The following VRTN variants were observed in gnomAD, a reference collection of about 807,000 sequenced individuals.
The protein encoded by VRTN is vertebrae development associated.
Under a neutral mutation model 18.2 loss-of-function variants are expected in VRTN, and 5 were observed. The observed-to-expected ratio is 0.27, with a 90% CI of 0.14 to 0.58. The LOEUF (loss-of-function observed/expected upper bound fraction) is 0.58. Ranked by LOEUF, VRTN falls within the 20% of genes least tolerant of loss-of-function variation. VRTN has a pLI of 0.91. For synonymous variants in VRTN, 381 were observed against 393.7 expected, an observed-to-expected ratio of 0.97 and a Z score of 0.38; for missense variants, 741 against 939.4, an observed-to-expected ratio of 0.79 and a Z score of 2.76.
chr14:74,330,977 A>C (rs1349352337), intron 1 of VRTN, among the ~76,000 whole-genome samples: 2 of 151,042 alleles, frequency 1.3e-5, no homozygotes, highest in African/African-American at 4.9e-5. Flanking sequence ...AGGTGGGTGG[A>C]TCACGAGGTC....
upstream of VRTN, among the ~76,000 whole-genome samples, chr14:74,345,745 G>A (rs1455908676): frequency 6.6e-6 from 1 of 150,856 alleles, no homozygotes; most frequent in Non-Finnish European, 1.5e-5. Flanking sequence ...CCAACATGGC[G>A]AAACCCTGTC....
Position 74,357,469 on chromosome 14 carries a change from G to T in VRTN, c.686G>T (p.Ser229Ile), listed in dbSNP as rs150867891. 6.2e-7 allele frequency: 1 copy of T among 1,612,130 alleles called. No individual in the cohort carries two copies. The change falls in exon 2 of 2, where the codon AGC (serine) becomes ATC (isoleucine). Residue 229 changes from serine (S) to isoleucine (I), a missense_variant. Transcript: ENST00000256362. This position sits in a 1 kb window ranked among gnomAD's most constrained non-coding sequence, Gnocchi z 7.8. The stretch of plus-strand genomic sequence containing the variant: ...ATGTGGGCTGGCCAGCCCCTCACCA[G>T]CCACTTCTTCCGCCACCAGTACTTT... ...HIMWAGQPLT[S>I]HFFRHQYFAP...
At chr14:74,351,270 T>C (rs1289151809) in intron 1 of VRTN, among the ~76,000 whole-genome samples, 1 of 152,194 alleles carries the variant, frequency 6.6e-6, no homozygotes, top group Non-Finnish European at 1.5e-5. Context: ...TACTAAGGAC[T>C]GATATGGATT....
chr14:74,345,314 G>A (rs2085636350), upstream of VRTN, among the ~76,000 whole-genome samples: 1 of 151,090 alleles, frequency 6.6e-6, no homozygotes, highest in African/African-American at 2.4e-5. Context: ...CAACGTGCTG[G>A]GATTACAGAC....
chr14:74,320,590 TTTTTTTTTTTTTTTG>T (rs1446707267), intron 1 of VRTN, among the ~76,000 whole-genome samples: 6 of 74,656 alleles, frequency 8.0e-5, no homozygotes, highest in African/African-American at 3.9e-4. Flanking sequence ...TTTTTTTTTT[TTTTTTTTTTTTTTTG>T]AGACGGAGTC....
Position 74,358,334 on chromosome 14 carries a change from G to A in VRTN, c.1551G>A (p.Arg517=). Residue 517 remains arginine, a synonymous_variant, in exon 2 of 2, where the codon AGG becomes AGA. Transcript: ENST00000256362. The surrounding 1 kb of genome is among the most constrained non-coding windows in gnomAD (Gnocchi z 5.4). ...WQRRLRRAAR[R]QVLSGHLPFC... is the part of the protein sequence containing the mutation. ...GGCGTCTGCGCAGGGCTGCCCGCAGGCAGGTGCTGAGTGGGCATCTCCCTT... is the reference window on the plus strand; with the variant it reads ...GGCGTCTGCGCAGGGCTGCCCGCAGACAGGTGCTGAGTGGGCATCTCCCTT... 6.2e-7 allele frequency: 1 copy of A among 1,613,284 alleles called. No individual in the cohort carries two copies. The highest frequency in any genetic ancestry group is 8.5e-7 in the Non-Finnish European group (1 of 1,179,800).
chr14:74,306,685 A>T (rs1048200926), intron 1 of VRTN, among the ~76,000 whole-genome samples: 1 of 145,366 alleles, frequency 6.9e-6, no homozygotes, highest in Non-Finnish European at 1.5e-5. Flanking sequence ...ATCACAGCTC[A>T]CTGCAGTCTC....
rs1246203251 is a variant in VRTN, at chr14:74,331,355, CTG to C, written c.-163-6366_-163-6365del. On this transcript the variant is annotated intron_variant, in intron 1 of 2. Transcript: ENST00000557177. ...CCAGCCCAGCCAACATGGTGAAACT[CTG>C]TCTCTACTAAAAACAGAAAAAATTA... Among the ~76,000 whole-genome samples the C allele has an allele frequency of 2.6e-5, 4 of 151,160 alleles. No homozygotes were observed. In the South Asian group the frequency reaches 8.4e-4, roughly 32 times the overall value.
Position 74,357,697 on chromosome 14 carries a change from A to G in VRTN, c.914A>G (p.Glu305Gly), listed in dbSNP as rs2140215356. The G allele has an allele frequency of 6.2e-7, 1 of 1,613,614 alleles. No individual in the cohort carries two copies. Among genetic ancestry groups the G allele is most frequent in the Non-Finnish European group, 8.5e-7 (1 of 1,179,998 alleles). ...TACCGCTGGCGGCGGCAGTCCCAGG[A>G]GCACCGGCAGAAGGTTGCTGCCCGC... Reference protein sequence around the residue: ...TFYRWRRQSQEHRQKVAARFS... With the variant: ...TFYRWRRQSQGHRQKVAARFS... The change falls in exon 2 of 2, where the codon GAG (glutamate) becomes GGG (glycine). Residue 305 changes from glutamate to glycine, a missense_variant. Physicochemically the swap from Glu to Gly is moderately conservative, Grantham distance 98. Coordinates refer to ENST00000256362, the MANE Select transcript of VRTN (RefSeq NM_018228.3). This position sits in a 1 kb window ranked among gnomAD's most constrained non-coding sequence, Gnocchi z 7.8.
At chr14:74,328,345 C>T (rs1406796271) in intron 1 of VRTN, among the ~76,000 whole-genome samples, 6 of 152,202 alleles carry the variant, frequency 3.9e-5, no homozygotes, top group Non-Finnish European at 8.8e-5. Context: ...GCTCAGAAGC[C>T]ATTTCAGCCA....
chr14:74,352,513 A>T (rs1183661669), intron 1 of VRTN, among the ~76,000 whole-genome samples: 1 of 152,102 alleles, frequency 6.6e-6, no homozygotes, highest in Non-Finnish European at 1.5e-5. Context: ...TTACTAAATT[A>T]CAATTTGCAT....
At chr14:74,315,770 A>G (rs969838860) in intron 1 of VRTN, among the ~76,000 whole-genome samples, 14 of 152,200 alleles carry the variant, frequency 9.2e-5, no homozygotes, top group East Asian at 1.9e-4. Context: ...ATCATGCTCA[A>G]TGACTATAGA....
At chr14:74,334,147 G>A (rs2085548405) in intron 1 of VRTN, among the ~76,000 whole-genome samples, 1 of 152,166 alleles carries the variant, frequency 6.6e-6, no homozygotes, top group Non-Finnish European at 1.5e-5. Context: ...GGCATTCTAT[G>A]CATACATCTG....
intron 1 of VRTN, among the ~76,000 whole-genome samples, chr14:74,325,991 C>CT (rs1390204889): frequency 6.6e-6 from 1 of 152,102 alleles, no homozygotes; most frequent in Non-Finnish European, 1.5e-5. Context: ...TACAAAAACT[C>CT]TGAGAAGTAG....
chr14:74,310,857 TA>T (rs1595161706), intron 1 of VRTN, among the ~76,000 whole-genome samples: 1 of 151,176 alleles, frequency 6.6e-6, no homozygotes, highest in South Asian at 2.1e-4. Flanking sequence ...AATTTTTCTT[TA>T]AAAAAAATTT....
At chr14:74,306,770 T>C (rs1939771773) in intron 1 of VRTN, among the ~76,000 whole-genome samples, 1 of 140,362 alleles carries the variant, frequency 7.1e-6, no homozygotes, top group South Asian at 2.2e-4. Context: ...AATTTTTAAG[T>C]TTTTTTTTTT....
intron 2 of VRTN, among the ~76,000 whole-genome samples, chr14:74,340,586 A>G (rs1168880580): frequency 1.3e-5 from 2 of 152,112 alleles, no homozygotes; most frequent in East Asian, 1.9e-4. Context: ...TCTAAAGTCT[A>G]GAGTTCAGTC....
Position 74,358,223 on chromosome 14 carries a change from A to G in VRTN, c.1440A>G (p.Glu480=). 1 of 1,612,686 alleles carries G rather than the reference A, an allele frequency of 6.2e-7. No homozygotes were observed. Among genetic ancestry groups the G allele is most frequent in the Admixed American group, 1.7e-5 (1 of 60,012 alleles). Residue 480 remains glutamate (E), a synonymous_variant, in exon 2 of 2, where the codon GAA becomes GAG. Transcript: ENST00000256362. The surrounding 1 kb of genome is among the most constrained non-coding windows in gnomAD (Gnocchi z 5.4). ...TAATTCCTTGGAAGAGTGAGGCGGAAGAGGGGGCAGGGAATGCCACAGGTG... is the reference window on the plus strand; with the variant it reads ...TAATTCCTTGGAAGAGTGAGGCGGAGGAGGGGGCAGGGAATGCCACAGGTG... ...GAVIPWKSEA[E]EGAGNATGED... is the part of the protein sequence containing the mutation.
Position 74,358,557 on chromosome 14 carries a change from G to A in VRTN, c.1774G>A (p.Val592Met), listed in dbSNP as rs2085754729. ...RDVTAVMAPPVGASSEDVEGG... is the reference protein window; with the variant it reads ...RDVTAVMAPPMGASSEDVEGG... The stretch of plus-strand genomic sequence containing the variant: ...TGTGACAGCTGTGATGGCCCCACCT[G>A]TGGGGGCTTCTTCAGAAGATGTAGA... Residue 592 changes from valine to methionine, a missense_variant, in exon 2 of 2, where the codon GTG becomes ATG. Around this residue, in one of 3 missense-constraint regions of VRTN, gnomAD observed 494 missense variants for 546.5 expected, o/e 0.90. Transcript: ENST00000256362. The surrounding 1 kb of genome is among the most constrained non-coding windows in gnomAD (Gnocchi z 5.4). 1.2e-6 allele frequency: 2 copies of A among 1,609,388 alleles called. No individual in the cohort carries two copies. The highest frequency in any genetic ancestry group is 2.7e-5 in the African/African-American group (2 of 74,878).
Sources: gnomAD v4.1 joint callset for allele counts (sites outside exome capture counted in the v4.1 genomes callset) on GRCh38, gnomAD v4.1.1 for gene constraint, gnomAD v4.1.1 regional missense constraint, Gnocchi (gnomAD v3.1) non-coding constraint, MANE v1.5 for transcripts, NCBI Gene and HGNC (gene_info 2026-07-23, HGNC 2026-07-21) for gene names.